TLE7: variants seen among roughly 807,000 people sequenced by gnomAD.
The protein encoded by TLE7 is transducin-like enhancer protein 7.
At chr16:71,438,148 A>G (rs1003133151) in intron 1 of TLE7, among the ~76,000 whole-genome samples, 3 of 152,166 alleles carry the variant, frequency 2.0e-5, no homozygotes, top group Non-Finnish European at 2.9e-5. Context: ...AACCATAAGG[A>G]GTGGCCGGAC....
intron 1 of TLE7, among the ~76,000 whole-genome samples, chr16:71,436,771 T>C (rs1294005040): frequency 6.6e-6 from 1 of 152,260 alleles, no homozygotes; most frequent in African/African-American, 2.4e-5. Flanking sequence ...TGAGCGTGCC[T>C]GGCTCTGGGC....
chr16:71,440,360 C>G (rs2042842358), intron 1 of TLE7, among the ~76,000 whole-genome samples: 1 of 152,154 alleles, frequency 6.6e-6, no homozygotes, highest in African/African-American at 2.4e-5. Context: ...CACCTGTAAT[C>G]CCAGCTACTC....
chr16:71,438,569 T>C (rs2042835481), intron 1 of TLE7, among the ~76,000 whole-genome samples: 1 of 149,164 alleles, frequency 6.7e-6, no homozygotes, highest in African/African-American at 2.5e-5. Flanking sequence ...TAATCCCAGC[T>C]ATTCGGGAGG....
chr16:71,438,166 T>G (rs1215557977), intron 1 of TLE7, among the ~76,000 whole-genome samples: 1 of 152,048 alleles, frequency 6.6e-6, no homozygotes, highest in Non-Finnish European at 1.5e-5. Flanking sequence ...GACACAGTGG[T>G]TCACAGCCGT....
At chr16:71,432,073 T>C in intron 5 of TLE7, 37 bp downstream of exon 5, 1 of 401,022 alleles carries the variant, frequency 2.5e-6, no homozygotes, top group Non-Finnish European at 4.4e-6. Flanking sequence ...AGAGGCCCTG[T>C]CAGAGTTCCC....
At chr16:71,440,804 C>T (rs2042844253) in intron 1 of TLE7, among the ~76,000 whole-genome samples, 1 of 152,188 alleles carries the variant, frequency 6.6e-6, no homozygotes, top group Non-Finnish European at 1.5e-5. Flanking sequence ...GACTGTGAGC[C>T]TCCAGATCTT....
At chr16:71,430,549 A>C (rs997393727) in intron 9 of TLE7, 119 bp downstream of exon 9, 1 of 397,650 alleles carries the variant, frequency 2.5e-6, no homozygotes, top group Non-Finnish European at 4.4e-6. Context: ...CTACTCTGTA[A>C]AATGGCCCTG....
At chr16:71,441,410 C>T (rs2042847286) in intron 1 of TLE7, among the ~76,000 whole-genome samples, 1 of 152,248 alleles carries the variant, frequency 6.6e-6, no homozygotes, top group Non-Finnish European at 1.5e-5. Flanking sequence ...TCAGAGCGTC[C>T]TTGGGGTTCT....
At chr16:71,432,985 C>T in intron 2 of TLE7, 29 bp downstream of exon 2, 1 of 399,070 alleles carries the variant, frequency 2.5e-6, no homozygotes, top group Non-Finnish European at 4.4e-6. Flanking sequence ...TTTGCCACCC[C>T]CACTGAGTCA....
intron 4 of TLE7, 84 bp from the exon 5 acceptor site, chr16:71,432,409 TAACCACC>T: frequency 2.6e-6 from 1 of 384,414 alleles, no homozygotes; most frequent in Non-Finnish European, 4.5e-6. Context: ...GCTAGATTCT[TAACCACC>T]CACCCATCCA....
Position 71,431,990 on chromosome 16 carries a change from G to A in TLE7, c.622C>T (p.Arg208Cys), listed in dbSNP as rs924666148. The A allele has an allele frequency of 2.5e-5, 10 of 400,646 alleles. No homozygotes were observed. Among genetic ancestry groups the A allele is most frequent in the South Asian group, 1.3e-4 (1 of 7,954 alleles). The allele number at this position is 400,646 out of a possible 1,614,324, so 24.8% of individuals were successfully genotyped here. The change falls in exon 6 of 10, where the codon CGT (arginine) becomes TGT (cysteine). Residue 208 changes from arginine (R) to cysteine (C), a missense_variant. Coordinates refer to ENST00000561754, the MANE Select transcript of TLE7 (RefSeq NM_001367365.2). This position sits in a 1 kb window ranked among gnomAD's most constrained non-coding sequence, Gnocchi z 4.5. ...GGGAACAGCTTGCAGGTAACAACAC[G>A]GTCCTGGGGATGCTGTAAGGAAGGG... ...AQLDLQHPQDRVVTCKLFPDE... is the reference protein window; with the variant it reads ...AQLDLQHPQDCVVTCKLFPDE...
Position 71,439,740 on chromosome 16 carries a change from T to G in TLE7, c.-97+2229A>C, listed in dbSNP as rs562620969. On this transcript the variant is annotated intron_variant, in intron 1 of 9. Transcript: ENST00000561754. Reference sequence around the variant, plus strand: ...AGAAAATAACAAATGTTGGTGAGAATGTGGGGAAATTGGAACCCTCCTACG... The same window carrying G: ...AGAAAATAACAAATGTTGGTGAGAAGGTGGGGAAATTGGAACCCTCCTACG... 1.1e-4 allele frequency among the ~76,000 whole-genome samples: 16 copies of G among 152,290 alleles called. No homozygotes were observed. In the East Asian group the frequency reaches 3.1e-3, roughly 29 times the overall value.
At chr16:71,441,748 A>C (rs554284724) in intron 1 of TLE7, among the ~76,000 whole-genome samples, 1 of 152,342 alleles carries the variant, frequency 6.6e-6, no homozygotes, top group East Asian at 1.9e-4. Flanking sequence ...GACCGAGGCC[A>C]GAGCCGAGGC....
intron 1 of TLE7, among the ~76,000 whole-genome samples, chr16:71,437,307 C>A (rs567791727): frequency 6.8e-6 from 1 of 146,420 alleles, no homozygotes; most frequent in African/African-American, 2.6e-5. Context: ...TGAGATTGCG[C>A]CACTGCATTC....
chr16:71,432,877 A>C lies in TLE7; in HGVS notation c.327T>G (p.Ser109=). The change falls in exon 3 of 10, where the codon TCT becomes TCG. Residue 109 remains serine (S), a synonymous_variant. Transcript: ENST00000561754. ...AESSPSFLLG[S]EVGQPYSSSS... is the part of the protein sequence containing the mutation. ...ACTATGACTGGTACTCACCAACCTC[A>C]GAACCCAGTAGGAAGCTACAACACA... The C allele has an allele frequency of 2.5e-6, 1 of 398,882 alleles. No individual in the cohort carries two copies. Among genetic ancestry groups the C allele is most frequent in the East Asian group, 3.6e-5 (1 of 28,082 alleles). The allele number at this position is 398,882 out of a possible 1,614,324, so 24.7% of individuals were successfully genotyped here.
intron 1 of TLE7, among the ~76,000 whole-genome samples, chr16:71,438,380 G>A (rs1374213366): frequency 2.1e-5 from 3 of 141,372 alleles, no homozygotes; most frequent in Non-Finnish European, 4.5e-5. Context: ...AAGCAAGATT[G>A]CGCCACTCCA....
chr16:71,432,903 T>TG lies in TLE7; in HGVS notation c.312-12dup, dbSNP rs1567555714. 5.0e-6 allele frequency: 2 copies of TG among 398,758 alleles called. No homozygotes were observed. Among genetic ancestry groups the TG allele is most frequent in the Non-Finnish European group, 8.8e-6 (2 of 226,328 alleles). The allele number at this position is 398,758 out of a possible 1,614,324, so 24.7% of individuals were successfully genotyped here. ...GAACCCAGTAGGAAGCTACAACACA[T>TG]GGAGAGAGGGAGGGAGGAGACAGAG... is the stretch of plus-strand genomic sequence containing the variant. On this transcript the variant is annotated splice_polypyrimidine_tract_variant and intron_variant, in intron 2 of 9. Transcript: ENST00000561754.
intron 1 of TLE7, among the ~76,000 whole-genome samples, chr16:71,439,579 C>G (rs1001457914): frequency 2.6e-5 from 4 of 151,994 alleles, no homozygotes; most frequent in Non-Finnish European, 5.9e-5. Context: ...GGGGAAGGGA[C>G]AAGACTGGAG....
At chr16:71,434,549 G>A (rs1383173653) in intron 1 of TLE7, among the ~76,000 whole-genome samples, 2 of 152,184 alleles carry the variant, frequency 1.3e-5, no homozygotes, top group Non-Finnish European at 2.9e-5. Flanking sequence ...GCACCAGGGT[G>A]GGGGCCCAGG....
Sources: allele counts gnomAD v4.1 joint callset (sites outside exome capture counted in the v4.1 genomes callset), GRCh38; gene constraint gnomAD v4.1.1; non-coding constraint Gnocchi (gnomAD v3.1); transcripts MANE v1.5; gene names NCBI Gene and HGNC (gene_info 2026-07-23, HGNC 2026-07-21).